Variants in GLYATL2 observed in about 807,000 individuals in gnomAD.
GLYATL2 encodes the protein glycine N-acyltransferase-like protein 2.
In GLYATL2, 25 loss-of-function variants were observed where a neutral mutation model predicts 21.4. That is an observed-to-expected ratio of 1.17 (90% CI 0.85 to 1.63). The LOEUF (loss-of-function observed/expected upper bound fraction) is 1.63. GLYATL2 is among the 40% of genes most tolerant of loss of function. The pLI is 0.00. For synonymous variants in GLYATL2, 114 were observed against 118.2 expected, an observed-to-expected ratio of 0.96 and a Z score of 0.23; for missense variants, 361 against 343.3, an observed-to-expected ratio of 1.05 and a Z score of -0.41.
chr11:58,847,220 C>A (rs1484503267), upstream of GLYATL2, among the ~76,000 whole-genome samples: 1 of 152,132 alleles, frequency 6.6e-6, no homozygotes, highest in Non-Finnish European at 1.5e-5. Context: ...GAGGACCTTG[C>A]GTGAGCATCT....
At chr11:58,834,916 T>A in intron 5 of GLYATL2, 79 bp from the exon 6 acceptor site, 1 of 1,081,694 alleles carries the variant, frequency 9.2e-7, no homozygotes, top group Non-Finnish European at 1.3e-6. Flanking sequence ...TATAACACCA[T>A]TCCTTTCCTT....
chr11:58,878,638 G>A (rs1854280660), intron 1 of GLYATL2, among the ~76,000 whole-genome samples: 1 of 152,090 alleles, frequency 6.6e-6, no homozygotes, highest in South Asian at 2.1e-4. Flanking sequence ...AAATTCACAG[G>A]GATTTTGGTG....
intron 1 of GLYATL2, among the ~76,000 whole-genome samples, chr11:58,867,419 A>C (rs1279317443): frequency 6.7e-6 from 1 of 148,632 alleles, no homozygotes; most frequent in Non-Finnish European, 1.5e-5. Flanking sequence ...ATAACATTAG[A>C]ATCTCAAATT....
intron 1 of GLYATL2, among the ~76,000 whole-genome samples, chr11:58,872,765 C>T (rs1353904289): frequency 3.9e-5 from 6 of 152,120 alleles, no homozygotes; most frequent in Non-Finnish European, 7.4e-5. Context: ...CTTGGAGATG[C>T]GGGCTCTTTT....
upstream of GLYATL2, among the ~76,000 whole-genome samples, chr11:58,905,931 G>C (rs1854866053): frequency 6.6e-6 from 1 of 152,226 alleles, no homozygotes; most frequent in African/African-American, 2.4e-5. Flanking sequence ...AGCCTCCAGA[G>C]ACTCTTCGTC....
chr11:58,848,136 T>C (rs886668510), upstream of GLYATL2, among the ~76,000 whole-genome samples: 1 of 151,892 alleles, frequency 6.6e-6, no homozygotes, highest in Non-Finnish European at 1.5e-5. Context: ...AACCACAGTA[T>C]TACTGGGCTT....
At chr11:58,874,866 T>G (rs1854197221) in intron 1 of GLYATL2, among the ~76,000 whole-genome samples, 1 of 152,220 alleles carries the variant, frequency 6.6e-6, no homozygotes. Flanking sequence ...GTCTCGTTGA[T>G]CTGTCTAATG....
chr11:58,867,994 A>T (rs1854050186), intron 1 of GLYATL2, among the ~76,000 whole-genome samples: 1 of 148,744 alleles, frequency 6.7e-6, no homozygotes, highest in South Asian at 2.1e-4. Context: ...CTGGTCCGAA[A>T]GCCTGATGCA....
At chr11:58,861,685 A>G (rs1460676093) in intron 1 of GLYATL2, among the ~76,000 whole-genome samples, 2 of 151,518 alleles carry the variant, frequency 1.3e-5, no homozygotes, top group Non-Finnish European at 3.0e-5. Context: ...TTTCAATGTA[A>G]ATGTTTTGAA....
At chr11:58,847,326 A>G (rs1853661168), upstream of GLYATL2, among the ~76,000 whole-genome samples, 1 of 152,216 alleles carries the variant, frequency 6.6e-6, no homozygotes, top group African/African-American at 2.4e-5. Flanking sequence ...AAGGAGAAGT[A>G]AAGAGACTTT....
chr11:58,885,661 C>T, intron 1 of GLYATL2: 1 of 283,850 alleles, frequency 3.5e-6, no homozygotes, highest in South Asian at 4.1e-5. Context: ...TTTTAAAACA[C>T]TCCTTCAGTA....
chr11:58,896,106 C>G (rs571455139), intron 1 of GLYATL2, among the ~76,000 whole-genome samples: 1 of 152,146 alleles, frequency 6.6e-6, no homozygotes, highest in Non-Finnish European at 1.5e-5. Context: ...CCACCCTCCG[C>G]GGCCTCCGAA....
intron 1 of GLYATL2, among the ~76,000 whole-genome samples, chr11:58,896,725 A>G (rs1238096670): frequency 1.1e-5 from 1 of 92,264 alleles, no homozygotes; most frequent in Non-Finnish European, 2.4e-5. Context: ...TTCAAACTTA[A>G]ACGTGTTTGT....
At chr11:58,884,732 A>C (rs1288977265) in intron 1 of GLYATL2, among the ~76,000 whole-genome samples, 1 of 152,198 alleles carries the variant, frequency 6.6e-6, no homozygotes, top group Non-Finnish European at 1.5e-5. Flanking sequence ...ACTGACATTT[A>C]TCTCTGTAAG....
Position 58,837,307 on chromosome 11 carries a change from T to A in GLYATL2, c.277A>T (p.Asn93Tyr), listed in dbSNP as rs150297508. The A allele has an allele frequency of 2.2e-5, 36 of 1,614,014 alleles. No individual in the cohort carries two copies. In the African/African-American group the frequency reaches 4.7e-4, roughly 21 times the overall value. ...DKLEEVLSYS[N>Y]VISWEQTLQI... is the part of the protein sequence containing the mutation. ...AAAGTTTGCTCCCAGCTGATTACAT[T>A]GGAGTATGACAGGACTTCCTCTAAT... The change falls in exon 4 of 6, where the codon AAT becomes TAT. Residue 93 changes from asparagine (N) to tyrosine (Y), a missense_variant. Coordinates refer to ENST00000287275, the MANE Select transcript of GLYATL2 (RefSeq NM_145016.4).
At chr11:58,836,556 G>A (rs1285549076) in intron 5 of GLYATL2, among the ~76,000 whole-genome samples, 1 of 146,384 alleles carries the variant, frequency 6.8e-6, no homozygotes, top group Admixed American at 6.9e-5. Flanking sequence ...CATTGCAGAA[G>A]TTGCAGTAAA....
At chr11:58,878,686 G>A (rs1364613966) in intron 1 of GLYATL2, among the ~76,000 whole-genome samples, 1 of 152,156 alleles carries the variant, frequency 6.6e-6, no homozygotes, top group African/African-American at 2.4e-5. Context: ...ACCTGGGTAG[G>A]AAAAATCACT....
intron 1 of GLYATL2, among the ~76,000 whole-genome samples, chr11:58,863,704 G>T (rs904770958): frequency 4.6e-5 from 7 of 151,944 alleles, no homozygotes; most frequent in African/African-American, 1.7e-4. Context: ...GGGTGTATGA[G>T]TTCTGGCCTA....
At chr11:58,909,628 C>T in the GLYATL2 span, among the ~76,000 whole-genome samples, 3 of 152,076 alleles carry the variant, frequency 2.0e-5, no homozygotes, top group East Asian at 1.9e-4. Flanking sequence ...GTCATGTACA[C>T]GTGAAAATAT....
Sources: gnomAD v4.1 joint callset for allele counts (sites outside exome capture counted in the v4.1 genomes callset) on GRCh38, gnomAD v4.1.1 for gene constraint, MANE v1.5 for transcripts, NCBI Gene and HGNC (gene_info 2026-07-23, HGNC 2026-07-21) for gene names.